Variants in TENM2 observed in about 807,000 individuals in gnomAD.
TENM2 encodes teneurin transmembrane protein 2, also known as teneurin-2.
TENM2 carries 52 observed loss-of-function variants against 245.2 expected under a neutral mutation model. That is an observed-to-expected ratio of 0.21 (90% CI 0.17 to 0.27). TENM2 has a LOEUF of 0.27. TENM2 is among the 10% of genes least tolerant of loss of function. The probability of loss-of-function intolerance (pLI) is 1.00; values close to 1 mark genes in which losing one functional copy is unlikely to be tolerated. For missense variants in TENM2, 3,046 were observed against 3,666.8 expected, an observed-to-expected ratio of 0.83 and a Z score of 4.37; for synonymous variants, 1,363 against 1,438.9, an observed-to-expected ratio of 0.95 and a Z score of 1.19.
the TENM2 span, among the ~76,000 whole-genome samples, chr5:167,208,475 A>G: frequency 6.6e-6 from 1 of 152,236 alleles, no homozygotes; most frequent in Non-Finnish European, 1.5e-5. Context: ...TATAAAATAA[A>G]TAAGTCAGCA....
chr5:167,409,319 A>G (rs907839277), intron 2 of TENM2, among the ~76,000 whole-genome samples: 3 of 152,142 alleles, frequency 2.0e-5, no homozygotes, highest in South Asian at 2.1e-4. Context: ...TTAGCACTCA[A>G]GAAAATGTGA....
chr5:167,438,823 C>T (rs765936017), intron 2 of TENM2, among the ~76,000 whole-genome samples: 22 of 151,656 alleles, frequency 1.5e-4, no homozygotes, highest in African/African-American at 4.1e-4. Context: ...GACGGACCTT[C>T]GCTCTTGTCA....
chr5:167,987,575 C>G (rs1253684855), intron 4 of TENM2, among the ~76,000 whole-genome samples: 1 of 152,024 alleles, frequency 6.6e-6, no homozygotes, highest in Non-Finnish European at 1.5e-5. Flanking sequence ...CCTGCCTCGG[C>G]CTCCCAAAGT....
intron 9 of TENM2, among the ~76,000 whole-genome samples, chr5:168,114,393 A>G (rs550773566): frequency 2.0e-5 from 3 of 152,338 alleles, no homozygotes; most frequent in East Asian, 3.9e-4. Context: ...TCATTTTTCT[A>G]TAACCTGTCA....
chr5:168,236,818 G>C (rs1265631894), intron 25 of TENM2, among the ~76,000 whole-genome samples: 2 of 148,986 alleles, frequency 1.3e-5, no homozygotes, highest in African/African-American at 2.5e-5. Flanking sequence ...CTGACATAAT[G>C]AAAATCTGCT....
the TENM2 span, among the ~76,000 whole-genome samples, chr5:167,210,089 G>A: frequency 7.9e-5 from 12 of 152,212 alleles, no homozygotes; most frequent in East Asian, 2.3e-3. Context: ...CACATTGCAT[G>A]GATTATTTCA....
the TENM2 span, among the ~76,000 whole-genome samples, chr5:167,156,781 T>C: frequency 6.6e-6 from 1 of 152,180 alleles, no homozygotes; most frequent in Non-Finnish European, 1.5e-5. Context: ...TTTCCCAGAA[T>C]AAAATGACAA....
intron 2 of TENM2, among the ~76,000 whole-genome samples, chr5:167,433,352 T>C (rs924130244): frequency 2.6e-5 from 4 of 152,160 alleles, no homozygotes; most frequent in African/African-American, 9.7e-5. Flanking sequence ...GGTGTTGTTA[T>C]AAGGAAACAA....
chr5:167,381,945 C>T (rs1475077713), intron 2 of TENM2, among the ~76,000 whole-genome samples: 3 of 152,082 alleles, frequency 2.0e-5, no homozygotes, highest in Non-Finnish European at 4.4e-5. Flanking sequence ...AATCAAATTA[C>T]AATCAATTTA....
intron 2 of TENM2, among the ~76,000 whole-genome samples, chr5:167,569,460 C>T (rs1405202835): frequency 6.6e-6 from 1 of 152,046 alleles, no homozygotes; most frequent in Non-Finnish European, 1.5e-5. Flanking sequence ...AATAATAAAC[C>T]AATGTGGCAT....
the TENM2 span, among the ~76,000 whole-genome samples, chr5:167,214,825 A>G: frequency 6.6e-6 from 1 of 152,184 alleles, no homozygotes; most frequent in Non-Finnish European, 1.5e-5. Context: ...TTGTACAGAC[A>G]TAGATCTTAG....
At chr5:167,455,893 A>G (rs1243657418) in intron 2 of TENM2, among the ~76,000 whole-genome samples, 1 of 152,214 alleles carries the variant, frequency 6.6e-6, no homozygotes, top group Non-Finnish European at 1.5e-5. Flanking sequence ...TAGATTGTCC[A>G]TATAATAATC....
chr5:168,118,366 G>T (rs1320141756), exon 10 of TENM2: 1 of 1,611,676 alleles, frequency 6.2e-7, no homozygotes, highest in East Asian at 2.2e-5. Context: ...CGGCTGGAAA[G>T]GTGCAGAGTG....
chr5:167,412,532 T>A (rs916894384), intron 2 of TENM2, among the ~76,000 whole-genome samples: 1 of 152,108 alleles, frequency 6.6e-6, no homozygotes, highest in African/African-American at 2.4e-5. Flanking sequence ...GTGTGCAACT[T>A]TTTTTGCCGT....
the TENM2 span, among the ~76,000 whole-genome samples, chr5:167,242,048 T>G: frequency 6.9e-6 from 1 of 144,650 alleles, no homozygotes; most frequent in Non-Finnish European, 1.5e-5. Context: ...TGTTTTTTGT[T>G]TTTTTTTTTT....
At position 167,932,838 on chromosome 5, in the gene TENM2, G is replaced by A. The variant is rs185384158; in HGVS notation, c.713-19750G>A. ...CGGCTGAATGTGGTCCGTGGCCATC[G>A]TTTGCCCGTTTGCCAACCCCAAAAC... On this transcript the variant is annotated intron_variant, in intron 3 of 28. Transcript: ENST00000518659. Among the ~76,000 whole-genome samples the A allele has an allele frequency of 7.9e-5, 12 of 152,160 alleles. No individual in the cohort carries two copies. The East Asian group carries it at 9.7e-4, about 12-fold the overall frequency.
At position 167,776,656 on chromosome 5, in the gene TENM2, TATATATA is replaced by T. The variant is rs1561769677; in HGVS notation, c.503-99329_503-99323del. Among the ~76,000 whole-genome samples the T allele has an allele frequency of 1.6e-4, 22 of 134,548 alleles. 1 individual carries two copies. The highest frequency in any genetic ancestry group is 5.3e-4 in the Admixed American group (7 of 13,206). 88.3% of individuals were successfully genotyped at this position (134,548 alleles called of 152,430 possible). On this transcript the variant is annotated intron_variant, in intron 2 of 28. Transcript: ENST00000518659. ...ATATATGTATCTATATATATATATA[TATATATA>T]TTTTTCATTAACCTTATGCTACACT...
chr5:168,154,260 T>C (rs1288038139), intron 12 of TENM2, among the ~76,000 whole-genome samples: 1 of 151,828 alleles, frequency 6.6e-6, no homozygotes, highest in Non-Finnish European at 1.5e-5. Flanking sequence ...TTGCCCAGGC[T>C]GGAGTGAAGT....
intron 3 of TENM2, among the ~76,000 whole-genome samples, chr5:167,903,113 C>A (rs1055882050): frequency 2.6e-5 from 4 of 152,106 alleles, no homozygotes; most frequent in African/African-American, 9.7e-5. Flanking sequence ...TGTCAATATT[C>A]AATAACATTT....
Sources: allele counts gnomAD v4.1 joint callset (sites outside exome capture counted in the v4.1 genomes callset), GRCh38; gene constraint gnomAD v4.1.1; transcripts MANE v1.5; gene names NCBI Gene and HGNC (gene_info 2026-07-23, HGNC 2026-07-21).